The following ANKRD6 variants were observed in gnomAD, a reference collection of about 807,000 sequenced individuals.
ANKRD6 encodes ankyrin repeat domain 6.
ANKRD6 carries 56 observed loss-of-function variants against 82.3 expected under a neutral mutation model. The ratio of observed to expected loss-of-function variants is 0.68; its 90% CI spans 0.55 to 0.85. The LOEUF is 0.85. Ranked by LOEUF, ANKRD6 falls within the 40% of genes least tolerant of loss-of-function variation. The probability of loss-of-function intolerance (pLI) is 0.00; values close to 1 mark genes in which losing one functional copy is unlikely to be tolerated. For missense variants in ANKRD6, 852 were observed against 907.6 expected, an observed-to-expected ratio of 0.94 and a Z score of 0.79; for synonymous variants, 347 against 352.1, an observed-to-expected ratio of 0.99 and a Z score of 0.16.
At chr6:89,626,042 T>A (rs541752227) in intron 13 of ANKRD6, among the ~76,000 whole-genome samples, 37 of 152,300 alleles carry the variant, frequency 2.4e-4, no homozygotes, top group African/African-American at 5.3e-4. Flanking sequence ...GCCCTTTTTT[T>A]AAAAAAGTTT....
At chr6:89,521,289 AT>A (rs759931034) in intron 1 of ANKRD6, among the ~76,000 whole-genome samples, 2 of 152,116 alleles carry the variant, frequency 1.3e-5, no homozygotes, top group Non-Finnish European at 2.9e-5. Context: ...TGCTGAGTGG[AT>A]TTACCTGGAT....
At chr6:89,502,666 TC>T (rs1779391606) in intron 1 of ANKRD6, among the ~76,000 whole-genome samples, 1 of 152,186 alleles carries the variant, frequency 6.6e-6, no homozygotes, top group African/African-American at 2.4e-5. Context: ...ATCCTTGCTT[TC>T]CTTACCTGAC....
chr6:89,446,372 A>G (rs1217464895), intron 1 of ANKRD6, among the ~76,000 whole-genome samples: 4 of 152,152 alleles, frequency 2.6e-5, no homozygotes, highest in Non-Finnish European at 1.5e-5. Flanking sequence ...AAATAAATAA[A>G]TTAAATAAAA....
intron 1 of ANKRD6, among the ~76,000 whole-genome samples, chr6:89,485,526 C>T (rs772188735): frequency 4.6e-5 from 7 of 152,200 alleles, no homozygotes; most frequent in Middle Eastern, 3.2e-3. Context: ...CCCCAAGGCC[C>T]TGGGCTTTTC....
intron 1 of ANKRD6, among the ~76,000 whole-genome samples, chr6:89,463,246 T>G (rs925426049): frequency 3.3e-5 from 5 of 152,188 alleles, no homozygotes; most frequent in African/African-American, 1.2e-4. Flanking sequence ...TTAGTATTTT[T>G]TCTGAGCATT....
At position 89,480,719 on chromosome 6, in the gene ANKRD6, C is replaced by T. The variant is rs1309958635; in HGVS notation, c.-144+47344C>T. ...TTGGGAGGCCAAGGCAGGAGGATCA[C>T]TTGAGGCCAGGAGTTTGAGACCAGT... On this transcript the variant is annotated intron_variant, in intron 1 of 15. Coordinates refer to ENST00000339746, the MANE Select transcript of ANKRD6 (RefSeq NM_001242809.2). 1.3e-5 allele frequency among the ~76,000 whole-genome samples: 2 copies of T among 150,726 alleles called. 1 individual carries two copies. The highest frequency in any genetic ancestry group is 2.9e-5 in the Non-Finnish European group (2 of 67,808).
chr6:89,571,625 C>T (rs1372370178), intron 2 of ANKRD6, among the ~76,000 whole-genome samples: 2 of 151,948 alleles, frequency 1.3e-5, no homozygotes, highest in South Asian at 2.1e-4. Context: ...TTTTTAGAGC[C>T]GTTTTAGATT....
intron 14 of ANKRD6, 56 bp from the exon 15 acceptor site, chr6:89,629,056 C>A: frequency 6.5e-7 from 1 of 1,550,282 alleles, no homozygotes; most frequent in South Asian, 1.2e-5. Flanking sequence ...AACCATGTAT[C>A]AAATTCACTT....
chr6:89,468,598 T>TAA (rs60606383), intron 1 of ANKRD6, among the ~76,000 whole-genome samples: 1 of 53,840 alleles, frequency 1.9e-5, no homozygotes, highest in Non-Finnish European at 3.2e-5. Context: ...GTTGATGAGC[T>TAA]AAAAAAAAAA....
intron 2 of ANKRD6, among the ~76,000 whole-genome samples, chr6:89,589,510 C>T (rs1382218274): frequency 1.3e-5 from 2 of 152,212 alleles, no homozygotes; most frequent in Admixed American, 6.5e-5. Flanking sequence ...TTTGGCTGGG[C>T]TCCCTTGTCA....
At chr6:89,606,797 AGTGAGCC>A (rs1281341759) in intron 5 of ANKRD6, among the ~76,000 whole-genome samples, 1 of 148,296 alleles carries the variant, frequency 6.7e-6, no homozygotes, top group African/African-American at 2.5e-5. Context: ...CAGAGGTTAC[AGTGAGCC>A]AAGATTGCAC....
At chr6:89,625,882 G>A (rs991243509) in intron 13 of ANKRD6, among the ~76,000 whole-genome samples, 31 of 151,856 alleles carry the variant, frequency 2.0e-4, no homozygotes, top group African/African-American at 7.5e-4. Flanking sequence ...TAAGGCGGAC[G>A]CCACCATGCC....
intron 2 of ANKRD6, among the ~76,000 whole-genome samples, chr6:89,579,691 A>G (rs572153947): frequency 1.5e-3 from 215 of 142,042 alleles, no homozygotes; most frequent in African/African-American, 5.4e-3. Context: ...CAGGAGGCGG[A>G]AGCTGCAGTA....
chr6:89,569,230 C>T (rs1348606953), intron 2 of ANKRD6, among the ~76,000 whole-genome samples: 3 of 152,128 alleles, frequency 2.0e-5, no homozygotes, highest in South Asian at 2.1e-4. Flanking sequence ...TAAAAATCTT[C>T]GTACCCAGTA....
At chr6:89,480,892 T>C (rs1776714163) in intron 1 of ANKRD6, among the ~76,000 whole-genome samples, 1 of 128,782 alleles carries the variant, frequency 7.8e-6, no homozygotes, top group Non-Finnish European at 1.6e-5. Flanking sequence ...CAGTGAGCCA[T>C]CATTGTGCCA....
At chr6:89,601,946 C>G (rs1459372755) in intron 3 of ANKRD6, 3 of 152,162 alleles carry the variant, frequency 2.0e-5, no homozygotes. Flanking sequence ...CTTTGCCCCT[C>G]TGGTGCTCTG....
chr6:89,470,684 G>GTTTT (rs1775341415), intron 1 of ANKRD6, among the ~76,000 whole-genome samples: 1 of 18,044 alleles, frequency 5.5e-5, no homozygotes, highest in African/African-American at 2.8e-4. Context: ...TTTCTGTTTT[G>GTTTT]TTTTGTTTTG....
Position 89,578,286 on chromosome 6 carries a change from C to CT in ANKRD6, c.120+11216dup, listed in dbSNP as rs71024383. ...ATTAGCTTTTTCCCCCTCCCGCCTCCTTTTTTTTTTTTTTTTTTTTTTTTT... is the reference window on the plus strand; with the variant it reads ...ATTAGCTTTTTCCCCCTCCCGCCTCCTTTTTTTTTTTTTTTTTTTTTTTTTT... On this transcript the variant is annotated intron_variant, in intron 2 of 15. Transcript: ENST00000339746. Among the ~76,000 whole-genome samples, 744 of 119,034 alleles carry CT rather than the reference C, an allele frequency of 6.3e-3. 55 individuals are homozygous for CT. Among genetic ancestry groups the CT allele is most frequent in the African/African-American group, 0.021 (644 of 30,658 alleles). The allele number at this position is 119,034 out of a possible 152,430, so 78.1% of individuals were successfully genotyped here. A position where few individuals can be genotyped will look rare whatever the true frequency, so the allele number is the denominator to read the frequency against.
intron 1 of ANKRD6, among the ~76,000 whole-genome samples, chr6:89,536,752 G>C (rs538355995): frequency 1.3e-5 from 2 of 152,188 alleles, no homozygotes; most frequent in African/African-American, 4.8e-5. Flanking sequence ...CAGCAGGCTG[G>C]TGGGTCCTTT....
Sources: gnomAD v4.1 joint callset for allele counts (sites outside exome capture counted in the v4.1 genomes callset) on GRCh38, gnomAD v4.1.1 for gene constraint, MANE v1.5 for transcripts, NCBI Gene and HGNC (gene_info 2026-07-23, HGNC 2026-07-21) for gene names.